Variants in GDA observed in about 807,000 individuals in gnomAD.
GDA encodes the protein guanine deaminase.
A neutral mutation model predicts 59.6 loss-of-function variants in GDA; 18 were observed. The ratio of observed to expected loss-of-function variants is 0.30; its 90% CI spans 0.21 to 0.45. The LOEUF is 0.45. Ranked by LOEUF, GDA falls within the 20% of genes least tolerant of loss-of-function variation. The probability of loss-of-function intolerance (pLI) is 1.00; values close to 1 mark genes in which losing one functional copy is unlikely to be tolerated. For synonymous variants in GDA, 201 were observed against 201.1 expected (o/e 1.00, Z 0.00); for missense variants, 427 against 552.3 (o/e 0.77, Z 2.27).
intron 3 of GDA, among the ~76,000 whole-genome samples, chr9:72,202,979 C>T (rs191364910): frequency 3.3e-5 from 5 of 152,284 alleles, no homozygotes; most frequent in East Asian, 1.9e-4. Flanking sequence ...GGTGGGTTTA[C>T]GTTACTCTTT....
chr9:72,122,131 C>T (rs1825683699), intron 1 of GDA, among the ~76,000 whole-genome samples: 1 of 152,150 alleles, frequency 6.6e-6, no homozygotes, highest in African/African-American at 2.4e-5. Flanking sequence ...GCTGATCAAG[C>T]CCACAATTCT....
intron 2 of GDA, among the ~76,000 whole-genome samples, chr9:72,201,654 A>G (rs1159680980): frequency 6.6e-6 from 1 of 152,180 alleles, no homozygotes; most frequent in African/African-American, 2.4e-5. Flanking sequence ...ACCTAGGATA[A>G]TGGTGGCAGT....
At chr9:72,176,869 C>T (rs1830593779) in intron 1 of GDA, among the ~76,000 whole-genome samples, 1 of 152,128 alleles carries the variant, frequency 6.6e-6, no homozygotes, top group Non-Finnish European at 1.5e-5. Flanking sequence ...GCTTCTTCCA[C>T]ATTCTGGTCA....
chr9:72,149,767 G>T (rs1306226084), intron 1 of GDA, 85 bp downstream of exon 1: 4 of 1,385,500 alleles, frequency 2.9e-6, no homozygotes, highest in Admixed American at 2.7e-5. Flanking sequence ...GTAGCCCGGG[G>T]TTCGCTCGGT....
At chr9:72,189,166 CT>C (rs71493640) in intron 1 of GDA, among the ~76,000 whole-genome samples, 278 of 54,880 alleles carry the variant, frequency 5.1e-3, no homozygotes, top group Middle Eastern at 9.3e-3. Flanking sequence ...AGACTCTAGA[CT>C]TTTTTTTTTT....
At chr9:72,180,026 C>A (rs1830989252) in intron 1 of GDA, among the ~76,000 whole-genome samples, 2 of 151,776 alleles carry the variant, frequency 1.3e-5, no homozygotes, top group African/African-American at 2.4e-5. Context: ...AGGGGAGGTT[C>A]AACTCATACC....
chr9:72,199,871 C>T lies in GDA; in HGVS notation c.213-2700C>T, dbSNP rs549225469. Among the ~76,000 whole-genome samples the T allele has an allele frequency of 5.1e-4, 78 of 152,210 alleles. 1 individual carries two copies. Among genetic ancestry groups the T allele is most frequent in the Admixed American group, 2.4e-3 (36 of 15,280 alleles). On this transcript the variant is annotated intron_variant, in intron 2 of 13. Transcript: ENST00000358399. ...AGATTGATCCTGATCTTTTCTTTCT[C>T]AGTCTTACTCCTGAAGTCGAAGGTG...
intron 1 of GDA, among the ~76,000 whole-genome samples, chr9:72,160,714 A>T (rs1828510408): frequency 6.6e-6 from 1 of 152,260 alleles, no homozygotes. Context: ...TGTTTAAAAA[A>T]GCAGCTGGTT....
intron 1 of GDA, among the ~76,000 whole-genome samples, chr9:72,183,322 G>A (rs1054825084): frequency 1.3e-5 from 2 of 152,010 alleles, no homozygotes; most frequent in Non-Finnish European, 2.9e-5. Context: ...CATTCCACCT[G>A]CCTCCTTGAC....
chr9:72,125,170 T>C (rs1423968426), intron 1 of GDA, among the ~76,000 whole-genome samples: 1 of 152,044 alleles, frequency 6.6e-6, no homozygotes, highest in Non-Finnish European at 1.5e-5. Flanking sequence ...TGGATGAGAG[T>C]GGAAATGAAG....
At chr9:72,227,243 A>C (rs1837714291) in intron 8 of GDA, among the ~76,000 whole-genome samples, 1 of 151,804 alleles carries the variant, frequency 6.6e-6, no homozygotes, top group Non-Finnish European at 1.5e-5. Flanking sequence ...AAAATCTACA[A>C]ATAAATACTA....
intron 1 of GDA, among the ~76,000 whole-genome samples, chr9:72,156,797 T>C (rs1587385398): frequency 6.6e-6 from 1 of 152,166 alleles, no homozygotes; most frequent in African/African-American, 2.4e-5. Flanking sequence ...CTAGTGATAA[T>C]ATTCTGACAT....
intron 1 of GDA, among the ~76,000 whole-genome samples, chr9:72,184,573 G>A (rs909850735): frequency 2.0e-5 from 3 of 152,042 alleles, no homozygotes; most frequent in African/African-American, 7.2e-5. Flanking sequence ...CCGTTTTCTG[G>A]ATGTACCGCA....
At chr9:72,204,643 A>C (rs1455912761) in intron 3 of GDA, among the ~76,000 whole-genome samples, 1 of 152,218 alleles carries the variant, frequency 6.6e-6, no homozygotes, top group Non-Finnish European at 1.5e-5. Context: ...GTGTGGATAG[A>C]CACTATGCTG....
downstream of GDA, chr9:72,257,318 G>A (rs1418245424): frequency 6.7e-6 from 1 of 148,248 alleles, no homozygotes; most frequent in Non-Finnish European, 1.5e-5. Context: ...AGCCGAGGTT[G>A]CCTTAAGTTA....
intron 10 of GDA, among the ~76,000 whole-genome samples, chr9:72,231,417 T>C (rs1310893357): frequency 2.6e-5 from 4 of 151,688 alleles, no homozygotes; most frequent in Non-Finnish European, 4.4e-5. Flanking sequence ...TACAAAAAAA[T>C]AGCCAGGTGT....
chr9:72,231,230 T>A, intron 10 of GDA, 49 bp downstream of exon 10: 2 of 957,328 alleles, frequency 2.1e-6, no homozygotes, highest in Non-Finnish European at 3.4e-6. Flanking sequence ...GATTACTGTG[T>A]AATTTTCTAA....
chr9:72,188,974 G>C (rs1832186897), intron 1 of GDA, among the ~76,000 whole-genome samples: 1 of 152,098 alleles, frequency 6.6e-6, no homozygotes. Flanking sequence ...GACTTAATTG[G>C]AGTCTGTTAC....
intron 1 of GDA, among the ~76,000 whole-genome samples, chr9:72,133,886 T>C (rs932705553): frequency 1.3e-5 from 2 of 152,218 alleles, no homozygotes; most frequent in African/African-American, 4.8e-5. Context: ...AGTCCTATTA[T>C]ATTGGAATTT....
Sources: gnomAD v4.1 joint callset for allele counts (sites outside exome capture counted in the v4.1 genomes callset) on GRCh38, gnomAD v4.1.1 for gene constraint, MANE v1.5 for transcripts, NCBI Gene and HGNC (gene_info 2026-07-23, HGNC 2026-07-21) for gene names.